Variants in CCNI2 observed in about 807,000 individuals in gnomAD.
CCNI2 encodes cyclin-I2.
CCNI2 carries 32 observed loss-of-function variants against 33.2 expected under a neutral mutation model. The ratio of observed to expected loss-of-function variants is 0.96; its 90% CI spans 0.73 to 1.30. The LOEUF is 1.30. Ranked by LOEUF, CCNI2 falls within the 50% of genes most tolerant of loss-of-function variation. The probability of loss-of-function intolerance (pLI) is 0.00; values close to 1 mark genes in which losing one functional copy is unlikely to be tolerated. For missense variants in CCNI2, 452 were observed against 486.2 expected (o/e 0.93, Z 0.66); for synonymous variants, 231 against 219.9 (o/e 1.05, Z -0.45).
intron 4 of CCNI2, 163 bp downstream of exon 4, chr5:132,751,160 T>A: frequency 1.5e-6 from 1 of 668,236 alleles, no homozygotes; most frequent in Non-Finnish European, 2.4e-6. Context: ...AGTGAAAAGG[T>A]ATCTTAAATC....
At position 132,751,044 on chromosome 5, in the gene CCNI2, C is replaced by G. The variant is rs79059282; in HGVS notation, c.774+47C>G. On this transcript the variant is annotated intron_variant, in intron 4 of 5. Transcript: ENST00000378731. ...GAGTCTACCCTAAACTCGTTTGTGC[C>G]TTTGGAACAGCTGTTTACAACATGG... 116 of 1,599,790 alleles carry G rather than the reference C, an allele frequency of 7.3e-5. No homozygotes were observed. The East Asian group carries it at 2.3e-3, about 32-fold the overall frequency.
At chr5:132,751,564 A>C (rs1754843659) in intron 4 of CCNI2, 1 of 239,286 alleles carries the variant, frequency 4.2e-6, no homozygotes, top group African/African-American at 2.3e-5. Context: ...ATGAAGATTA[A>C]ATTACTAAAG....
In CCNI2 at chr5:132,750,931, G is replaced by C; in HGVS notation, c.708G>C (p.Glu236Asp). ...CCCCGAATGAGCTGCTGAGGATGGAGCTGGCTATTCTGGACAGACTGCACT... is the reference window on the plus strand; with the variant it reads ...CCCCGAATGAGCTGCTGAGGATGGACCTGGCTATTCTGGACAGACTGCACT... ...DYSPNELLRM[E>D]LAILDRLHWD... Residue 236 changes from glutamate (E) to aspartate (D), a missense_variant, in exon 4 of 6, where the codon GAG becomes GAC. Glu to Asp is a conservative substitution (Grantham distance 45). Coordinates refer to ENST00000378731, the MANE Select transcript of CCNI2 (RefSeq NM_001039780.4). 1.2e-6 allele frequency: 2 copies of C among 1,614,278 alleles called. No individual in the cohort carries two copies. Among genetic ancestry groups the C allele is most frequent in the South Asian group, 2.2e-5 (2 of 91,090 alleles).
At chr5:132,749,755 A>C (rs1383716740) in intron 3 of CCNI2, among the ~76,000 whole-genome samples, 2 of 152,152 alleles carry the variant, frequency 1.3e-5, no homozygotes, top group African/African-American at 4.8e-5. Context: ...GGCCTCCCAA[A>C]CCATGTGACT....
In CCNI2 at chr5:132,747,599, T is replaced by A; in HGVS notation, c.104T>A (p.Leu35Gln). The change falls in exon 1 of 6, where the codon CTG (leucine) becomes CAG (glutamine). Residue 35 changes from leucine to glutamine, a missense_variant. By Grantham distance (113) the Leu-to-Gln change is moderately radical. Transcript: ENST00000378731. The surrounding 1 kb of genome is among the most constrained non-coding windows in gnomAD (Gnocchi z 4.1). ...RPGAGLEETA[L>Q]GVPLPPSPGE... The stretch of plus-strand genomic sequence containing the variant: ...GGCGCCGGTCTGGAGGAAACAGCCC[T>A]GGGCGTTCCTCTCCCGCCGTCTCCG... The A allele has an allele frequency of 2.0e-6, 3 of 1,500,670 alleles. No homozygotes were observed. Among genetic ancestry groups the A allele is most frequent in the Non-Finnish European group, 2.7e-6 (3 of 1,131,288 alleles). The allele number at this position is 1,500,670 out of a possible 1,614,324, so 93.0% of individuals were successfully genotyped here. A position where few individuals can be genotyped will look rare whatever the true frequency, so the allele number is the denominator to read the frequency against.
rs1754988852 is a variant in CCNI2, at chr5:132,752,939, G to A, written c.1079G>A (p.Cys360Tyr). 1 of 1,614,126 alleles carries A rather than the reference G, an allele frequency of 6.2e-7. No individual in the cohort carries two copies. The highest frequency in any genetic ancestry group is 1.1e-5 in the South Asian group (1 of 91,068). ...CTGAGAAGTCTTCAGTCATCCTCCT[G>A]CACAGACAACTTTGTGTCACCTGCC... ...QQLRSLQSSSCTDNFVSPAN is the reference protein window; with the variant it reads ...QQLRSLQSSSYTDNFVSPAN Residue 360 changes from cysteine to tyrosine, a missense_variant, in exon 6 of 6, where the codon TGC becomes TAC. Coordinates refer to ENST00000378731, the MANE Select transcript of CCNI2 (RefSeq NM_001039780.4).
At chr5:132,755,661 C>T (rs941920814), downstream of CCNI2, among the ~76,000 whole-genome samples, 12 of 152,140 alleles carry the variant, frequency 7.9e-5, no homozygotes, top group Non-Finnish European at 1.6e-4. Flanking sequence ...TTAGTAGTCC[C>T]GTGGCAAGCC....
In CCNI2 at chr5:132,749,381, A is replaced by T. The variant is rs747941084; in HGVS notation, c.592A>T (p.Thr198Ser). ...GAAATACCTGCATTGCGCCACAATT[A>T]CTTCCTTGAGGCTCGCTGCAAAAGT... ...KEKYLHCATI[T>S]SLRLAAKVNE... The change falls in exon 3 of 6, where the codon ACT becomes TCT. Residue 198 changes from threonine (T) to serine (S), a missense_variant. Physicochemically the swap from Thr to Ser is moderately conservative, Grantham distance 58. Coordinates refer to ENST00000378731, the MANE Select transcript of CCNI2 (RefSeq NM_001039780.4). 3 of 1,614,224 alleles carry T rather than the reference A, an allele frequency of 1.9e-6. No homozygotes were observed. The South Asian group carries it at 3.3e-5, about 18-fold the overall frequency.
chr5:132,755,336 T>A (rs531519215), downstream of CCNI2, among the ~76,000 whole-genome samples: 1 of 152,284 alleles, frequency 6.6e-6, no homozygotes. Flanking sequence ...GCTTTCTACC[T>A]CTAAAAAACA....
chr5:132,747,718 C>G lies in CCNI2; in HGVS notation c.223C>G (p.Pro75Ala), dbSNP rs1754649722. The change falls in exon 1 of 6, where the codon CCC (proline) becomes GCC (alanine). Residue 75 changes from proline (P) to alanine (A), a missense_variant. Physicochemically the swap from Pro to Ala is conservative, Grantham distance 27. Coordinates refer to ENST00000378731, the MANE Select transcript of CCNI2 (RefSeq NM_001039780.4). The surrounding 1 kb of genome is among the most constrained non-coding windows in gnomAD (Gnocchi z 4.1). ...CCTCCACGCGGCGTCCGCAGCAGTC[C>G]CCGTGCGGCCCCGGCGCGGTACGGC... ...ASLHAASAAV[P>A]VRPRRGTAPA... 2 of 1,485,406 alleles carry G rather than the reference C, an allele frequency of 1.3e-6. No homozygotes were observed. Among genetic ancestry groups the G allele is most frequent in the African/African-American group, 2.9e-5 (2 of 68,604 alleles). The allele number at this position is 1,485,406 out of a possible 1,614,324, so 92.0% of individuals were successfully genotyped here.
chr5:132,748,119 G>C (rs1393985246), intron 1 of CCNI2, among the ~76,000 whole-genome samples, 195 bp downstream of exon 1: 2 of 152,226 alleles, frequency 1.3e-5, no homozygotes. Flanking sequence ...CTTCGGAAGA[G>C]GGCCTGTTTG....
chr5:132,747,552 C>G lies in CCNI2; in HGVS notation c.57C>G (p.Val19=). 6.7e-7 allele frequency: 1 copy of G among 1,503,456 alleles called. No homozygotes were observed. The highest frequency in any genetic ancestry group is 1.2e-5 in the South Asian group (1 of 80,634). 93.1% of individuals were successfully genotyped at this position (1,503,456 alleles called of 1,614,324 possible). A position where few individuals can be genotyped will look rare whatever the true frequency, so the allele number is the denominator to read the frequency against. The change falls in exon 1 of 6, where the codon GTC becomes GTG. Residue 19 remains valine, a synonymous_variant. Coordinates refer to ENST00000378731, the MANE Select transcript of CCNI2 (RefSeq NM_001039780.4). This position sits in a 1 kb window ranked among gnomAD's most constrained non-coding sequence, Gnocchi z 4.1. Reference sequence around the variant, plus strand: ...CGTCGAGCTCAGAGGTCAGCGCCGTCCAGAGCCCAGGCGGGCGTCCCGGCG... The same window carrying G: ...CGTCGAGCTCAGAGGTCAGCGCCGTGCAGAGCCCAGGCGGGCGTCCCGGCG... ...PQPSSSEVSA[V]QSPGGRPGAG... is the part of the protein sequence containing the mutation.
chr5:132,747,456 G>A lies in CCNI2; in HGVS notation c.-40G>A. ...TCCGGGAGCTGGGTTATAAAATGCC[G>A]GGTTAAGCGGCAACTCAGACTCAGG... On this transcript the variant is annotated 5_prime_UTR_variant, in exon 1 of 6. Coordinates refer to ENST00000378731, the MANE Select transcript of CCNI2 (RefSeq NM_001039780.4). This position sits in a 1 kb window ranked among gnomAD's most constrained non-coding sequence, Gnocchi z 4.1. The A allele has an allele frequency of 7.2e-7, 1 of 1,397,354 alleles. No homozygotes were observed. The highest frequency in any genetic ancestry group is 3.2e-5 in the Admixed American group (1 of 30,818). The allele number at this position is 1,397,354 out of a possible 1,614,324, so 86.6% of individuals were successfully genotyped here. A position where few individuals can be genotyped will look rare whatever the true frequency, so the allele number is the denominator to read the frequency against.
rs1044254660 is a variant in CCNI2, at chr5:132,751,006, G to A, written c.774+9G>A. On this transcript the variant is annotated intron_variant, in intron 4 of 5. Coordinates refer to ENST00000378731, the MANE Select transcript of CCNI2 (RefSeq NM_001039780.4). ...TGGACTTCTTGACTATAGTGAGTAA[G>A]GAGGTGTTTACAGAGTCTACCCTAA... is the stretch of plus-strand genomic sequence containing the variant. 8 of 1,611,952 alleles carry A rather than the reference G, an allele frequency of 5.0e-6. No individual in the cohort carries two copies. The highest frequency in any genetic ancestry group is 6.8e-6 in the Non-Finnish European group (8 of 1,179,522).
In CCNI2 at chr5:132,751,815, C is replaced by T. The variant is rs559784246; in HGVS notation, c.775-151C>T. On this transcript the variant is annotated intron_variant, in intron 4 of 5. Transcript: ENST00000378731. ...TGGCCACAGGATGGGCATTAAGCCTCAAGCCCCTTACGGAGCCATGGATAG... is the reference window on the plus strand; with the variant it reads ...TGGCCACAGGATGGGCATTAAGCCTTAAGCCCCTTACGGAGCCATGGATAG... The T allele has an allele frequency of 1.7e-4, 157 of 933,152 alleles. No individual in the cohort carries two copies. In the African/African-American group the frequency reaches 2.4e-3, roughly 14 times the overall value. 57.8% of individuals were successfully genotyped at this position (933,152 alleles called of 1,614,324 possible).
chr5:132,752,709 G>A (rs1754957410), intron 5 of CCNI2, among the ~76,000 whole-genome samples, 157 bp from the exon 6 acceptor site: 1 of 152,124 alleles, frequency 6.6e-6, no homozygotes, highest in African/African-American at 2.4e-5. Flanking sequence ...TACTGAGGTT[G>A]GAAATGGATG....
intron 4 of CCNI2, 182 bp from the exon 5 acceptor site, chr5:132,751,784 T>G: frequency 1.5e-6 from 1 of 687,290 alleles, no homozygotes; most frequent in African/African-American, 1.8e-5. Context: ...GAGTGGAAGC[T>G]CAGCTTGGCC....
chr5:132,751,041 T>C (rs375817817), intron 4 of CCNI2, 44 bp downstream of exon 4: 9 of 1,602,792 alleles, frequency 5.6e-6, no homozygotes, highest in Non-Finnish European at 7.7e-6. Context: ...AACTCGTTTG[T>C]GCCTTTGGAA....
In CCNI2 at chr5:132,753,185, A is replaced by G. The variant is rs946324983; in HGVS notation, c.*215A>G. 1.1e-5 allele frequency: 6 copies of G among 552,104 alleles called. No homozygotes were observed. The highest frequency in any genetic ancestry group is 7.5e-5 in the African/African-American group (4 of 53,386). 34.2% of individuals were successfully genotyped at this position (552,104 alleles called of 1,614,324 possible). On this transcript the variant is annotated 3_prime_UTR_variant, in exon 6 of 6. Coordinates refer to ENST00000378731, the MANE Select transcript of CCNI2 (RefSeq NM_001039780.4). ...TCAGTAGAGGTCAGGGTGGTCTGAT[A>G]GACTATGACCCTGTCTTCCCTTTTT... is the stretch of plus-strand genomic sequence containing the variant.
Sources: gnomAD v4.1 joint callset for allele counts (sites outside exome capture counted in the v4.1 genomes callset) on GRCh38, gnomAD v4.1.1 for gene constraint, Gnocchi (gnomAD v3.1) non-coding constraint, MANE v1.5 for transcripts, NCBI Gene and HGNC (gene_info 2026-07-23, HGNC 2026-07-21) for gene names.